STXBP4: variants seen among roughly 807,000 people sequenced by gnomAD.
STXBP4 encodes the protein syntaxin binding protein 4.
In STXBP4, 55 loss-of-function variants were observed where a neutral mutation model predicts 76.1. That is an observed-to-expected ratio of 0.72 (90% confidence interval 0.58 to 0.91). The LOEUF (loss-of-function observed/expected upper bound fraction) is 0.91, where lower values mean the gene tolerates loss of function less well. Among genes scored for constraint, STXBP4 ranks in the 40% least tolerant of loss-of-function variants. The pLI is 0.00. For missense variants in STXBP4, 618 were observed against 636.9 expected, an observed-to-expected ratio of 0.97 and a Z score of 0.32; for synonymous variants, 201 against 220.2, an observed-to-expected ratio of 0.91 and a Z score of 0.77.
chr17:55,005,315 C>T (rs1466811330), intron 7 of STXBP4, among the ~76,000 whole-genome samples: 1 of 152,146 alleles, frequency 6.6e-6, no homozygotes, highest in East Asian at 1.9e-4. Flanking sequence ...AGATTAGACT[C>T]GTGACATTAT....
chr17:54,997,827 A>G (rs1043746676), intron 4 of STXBP4, among the ~76,000 whole-genome samples: 6 of 149,682 alleles, frequency 4.0e-5, no homozygotes, highest in African/African-American at 7.4e-5. Context: ...GGCTCAAGCA[A>G]TCTTTCTGCC....
intron 1 of STXBP4, among the ~76,000 whole-genome samples, chr17:54,980,350 T>C (rs2077532826): frequency 6.6e-6 from 1 of 152,206 alleles, no homozygotes. Flanking sequence ...ATAAGAAATG[T>C]GCAGCTGTTA....
chr17:54,970,899 AAG>A (rs1345591194), intron 1 of STXBP4, among the ~76,000 whole-genome samples: 2 of 152,214 alleles, frequency 1.3e-5, no homozygotes, highest in African/African-American at 2.4e-5. Flanking sequence ...ACTTTAATAA[AAG>A]AAAATATGCA....
At position 55,008,291 on chromosome 17, in the gene STXBP4, A is replaced by C. The variant is rs149865995; in HGVS notation, c.666+694A>C. The stretch of plus-strand genomic sequence containing the variant: ...TCCAGTCAGTTTTTGAGGATAAAGC[A>C]TTCTTACATTTTAGGAAGAGTATAA... On this transcript the variant is annotated intron_variant, in intron 8 of 17. Coordinates refer to ENST00000376352, the MANE Select transcript of STXBP4 (RefSeq NM_178509.6). Among the ~76,000 whole-genome samples the C allele has an allele frequency of 8.2e-3, 1,241 of 152,198 alleles. 11 individuals are homozygous for C. The highest frequency in any genetic ancestry group is 0.028 in the African/African-American group (1,160 of 41,538).
At chr17:55,129,596 AGGAG>A (rs750840511) in intron 16 of STXBP4, among the ~76,000 whole-genome samples, 4 of 152,078 alleles carry the variant, frequency 2.6e-5, no homozygotes, top group South Asian at 2.1e-4. Flanking sequence ...AAAGAAAAGA[AGGAG>A]GGAGGGAGGG....
chr17:55,184,576 G>T, the STXBP4 span, among the ~76,000 whole-genome samples: 52 of 152,166 alleles, frequency 3.4e-4, no homozygotes, highest in Middle Eastern at 3.4e-3. Flanking sequence ...TCTTTTACCT[G>T]GCTTTAAAAA....
At chr17:55,057,695 T>C (rs897463024) in intron 12 of STXBP4, among the ~76,000 whole-genome samples, 1 of 152,100 alleles carries the variant, frequency 6.6e-6, no homozygotes, top group African/African-American at 2.4e-5. Context: ...CTTTATGCTC[T>C]CCCTCCCCTT....
At chr17:55,146,437 C>A (rs545047901) in intron 17 of STXBP4, among the ~76,000 whole-genome samples, 2 of 152,042 alleles carry the variant, frequency 1.3e-5, no homozygotes, top group African/African-American at 2.4e-5. Flanking sequence ...TGAGGCCGGG[C>A]GTGGTGGCTG....
At chr17:55,025,140 C>T (rs931133904) in intron 8 of STXBP4, among the ~76,000 whole-genome samples, 3 of 142,088 alleles carry the variant, frequency 2.1e-5, no homozygotes, top group Admixed American at 6.9e-5. Flanking sequence ...GACTCCGTCT[C>T]AAAAAAAAAA....
chr17:55,025,072 C>T (rs776711736), intron 8 of STXBP4, among the ~76,000 whole-genome samples: 1 of 148,964 alleles, frequency 6.7e-6, no homozygotes, highest in South Asian at 2.2e-4. Context: ...ACCCAGGAGG[C>T]GGAGCTTGCA....
At chr17:55,141,900 C>T (rs572694863) in intron 17 of STXBP4, among the ~76,000 whole-genome samples, 4 of 152,144 alleles carry the variant, frequency 2.6e-5, no homozygotes, top group Non-Finnish European at 5.9e-5. Flanking sequence ...GAAAAACAGA[C>T]AGTAGATAAA....
At chr17:55,145,091 A>G (rs577385878) in intron 17 of STXBP4, among the ~76,000 whole-genome samples, 13 of 152,320 alleles carry the variant, frequency 8.5e-5, no homozygotes, top group East Asian at 3.9e-4. Flanking sequence ...GCTGCATTCA[A>G]CTAGGTGATG....
intron 8 of STXBP4, among the ~76,000 whole-genome samples, chr17:55,014,718 T>C (rs1035643471): frequency 2.6e-5 from 4 of 152,182 alleles, no homozygotes; most frequent in Admixed American, 6.5e-5. Flanking sequence ...CCTGGGGCAA[T>C]TGGCCTTCCA....
intron 10 of STXBP4, among the ~76,000 whole-genome samples, chr17:55,037,433 T>C (rs1360477917): frequency 6.6e-6 from 1 of 152,116 alleles, no homozygotes; most frequent in Non-Finnish European, 1.5e-5. Context: ...ATTTCCTCCT[T>C]ACCAATATAA....
intron 12 of STXBP4, among the ~76,000 whole-genome samples, chr17:55,057,123 T>C (rs2078934835): frequency 6.6e-6 from 1 of 152,218 alleles, no homozygotes; most frequent in Non-Finnish European, 1.5e-5. Context: ...GTTTAACTCA[T>C]TTACATGCAC....
intron 12 of STXBP4, among the ~76,000 whole-genome samples, chr17:55,070,203 C>G (rs2079104330): frequency 6.6e-6 from 1 of 152,146 alleles, no homozygotes. Context: ...ACTTAACTTT[C>G]CTGTGCATCA....
intron 16 of STXBP4, among the ~76,000 whole-genome samples, chr17:55,100,061 C>G (rs1222114143): frequency 6.6e-6 from 1 of 152,138 alleles, no homozygotes; most frequent in Non-Finnish European, 1.5e-5. Context: ...GAGTGAACCT[C>G]AACCAGCCCA....
intron 17 of STXBP4, among the ~76,000 whole-genome samples, chr17:55,143,511 A>T (rs752046080): frequency 2.7e-4 from 41 of 152,218 alleles, no homozygotes; most frequent in Non-Finnish European, 5.7e-4. Flanking sequence ...GGAACAAGTG[A>T]TGGTCAGCCA....
chr17:55,104,704 A>G (rs1261751058), intron 16 of STXBP4, among the ~76,000 whole-genome samples: 1 of 152,114 alleles, frequency 6.6e-6, no homozygotes, highest in Non-Finnish European at 1.5e-5. Context: ...AAGGAATGGT[A>G]CCAGCTCCTC....
Sources: allele counts gnomAD v4.1 joint callset (sites outside exome capture counted in the v4.1 genomes callset), GRCh38; gene constraint gnomAD v4.1.1; transcripts MANE v1.5; gene names NCBI Gene and HGNC (gene_info 2026-07-23, HGNC 2026-07-21).